The following STIM2 variants were observed in gnomAD, a reference collection of about 807,000 sequenced individuals.
STIM2 encodes the protein stromal interaction molecule 2.
STIM2 carries 31 observed loss-of-function variants against 85.8 expected under a neutral mutation model. That is an observed-to-expected ratio of 0.36 (90% CI 0.27 to 0.49). STIM2 has a LOEUF of 0.49. Among genes scored for constraint, STIM2 ranks in the 20% least tolerant of loss-of-function variants. The probability of loss-of-function intolerance (pLI) is 0.98; values close to 1 mark genes in which losing one functional copy is unlikely to be tolerated. For synonymous variants in STIM2, 356 were observed against 331.1 expected (o/e 1.08, Z -0.82); for missense variants, 841 against 927.6 (o/e 0.91, Z 1.21).
chr4:27,009,909 C>T (rs188177513), intron 10 of STIM2, among the ~76,000 whole-genome samples: 35 of 152,226 alleles, frequency 2.3e-4, no homozygotes, highest in African/African-American at 4.8e-4. Context: ...CCTTAAAATC[C>T]GTGTTTAATA....
chr4:27,019,539 T>C (rs1052352467), intron 11 of STIM2: 1 of 1,242,338 alleles, frequency 8.0e-7, no homozygotes, highest in African/African-American at 1.5e-5. Context: ...CTCATTTCAA[T>C]AGCAATGTCA....
chr4:26,957,709 G>A lies in STIM2; in HGVS notation c.380G>A (p.Arg127Gln), dbSNP rs761878747. ...ATAACGATTGAGGATTTATGGAAAC[G>A]ATGGAAAACATCAGAAGGTAAGACT... The change falls in exon 3 of 12, where the codon CGA (arginine) becomes CAA (glutamine). Residue 127 changes from arginine (R) to glutamine (Q), a missense_variant. This residue lies in a region of STIM2 where 408 missense variants were observed against 525.4 expected (regional missense o/e 0.78). Coordinates refer to ENST00000467087, the MANE Select transcript of STIM2 (RefSeq NM_020860.4). 2 of 1,598,392 alleles carry A rather than the reference G, an allele frequency of 1.3e-6. No homozygotes were observed. The highest frequency in any genetic ancestry group is 1.8e-5 in the Admixed American group (1 of 56,404).
intron 1 of STIM2, among the ~76,000 whole-genome samples, chr4:26,864,862 C>T (rs80127376): frequency 0.023 from 3,553 of 152,148 alleles, 162 homozygotes; most frequent in African/African-American, 0.082. Flanking sequence ...GATGGAAATA[C>T]CTCAAATTAG....
chr4:26,999,443 T>G (rs948388535), intron 5 of STIM2, 96 bp downstream of exon 5: 1 of 572,572 alleles, frequency 1.7e-6, no homozygotes, highest in Non-Finnish European at 2.8e-6. Context: ...AGTAGGCCTC[T>G]AAGAAGAATC....
chr4:26,869,407 T>G (rs1045181923), intron 1 of STIM2, among the ~76,000 whole-genome samples: 7 of 151,964 alleles, frequency 4.6e-5, no homozygotes, highest in African/African-American at 1.7e-4. Flanking sequence ...AAGCCAGTCG[T>G]TGGTGAATAT....
At chr4:26,913,848 C>T (rs1485479985) in intron 1 of STIM2, among the ~76,000 whole-genome samples, 1 of 152,194 alleles carries the variant, frequency 6.6e-6, no homozygotes, top group Admixed American at 6.5e-5. Flanking sequence ...AAAACAAAGC[C>T]TGTGATCTCA....
At chr4:26,868,693 T>A (rs977272980) in intron 1 of STIM2, among the ~76,000 whole-genome samples, 7 of 152,316 alleles carry the variant, frequency 4.6e-5, no homozygotes, top group Non-Finnish European at 7.3e-5. Flanking sequence ...TTTTCTTTTT[T>A]AAAAAATCTG....
intron 2 of STIM2, among the ~76,000 whole-genome samples, chr4:26,931,732 C>T (rs1725213542): frequency 6.6e-6 from 1 of 152,110 alleles, no homozygotes; most frequent in Non-Finnish European, 1.5e-5. Flanking sequence ...GTCTTGCTGT[C>T]TATTAACTTA....
At chr4:26,969,135 T>A (rs1726838417) in intron 3 of STIM2, among the ~76,000 whole-genome samples, 1 of 152,224 alleles carries the variant, frequency 6.6e-6, no homozygotes, top group Admixed American at 6.5e-5. Context: ...AGAATAATTC[T>A]CCATTGCTGG....
intron 2 of STIM2, among the ~76,000 whole-genome samples, chr4:26,949,919 TAATC>T (rs957883494): frequency 2.2e-4 from 34 of 152,326 alleles, no homozygotes; most frequent in South Asian, 4.1e-4. Context: ...ATAAAAATAT[TAATC>T]AAATTGAATA....
intron 3 of STIM2, among the ~76,000 whole-genome samples, chr4:26,971,320 T>G (rs529282149): frequency 2.8e-3 from 434 of 152,312 alleles, no homozygotes; most frequent in African/African-American, 0.01. Context: ...TCCTTGCCCG[T>G]GCCTATGTCC....
chr4:26,875,142 A>G (rs564370254), intron 1 of STIM2, among the ~76,000 whole-genome samples: 1 of 152,262 alleles, frequency 6.6e-6, no homozygotes, highest in African/African-American at 2.4e-5. Flanking sequence ...AAGCATATCC[A>G]TATTCTTAAC....
Position 26,861,355 on chromosome 4 carries a change from C to G in STIM2, c.137C>G (p.Pro46Arg). Residue 46 changes from proline (P) to arginine (R), a missense_variant, in exon 1 of 12, where the codon CCG becomes CGG. Physicochemically the swap from Pro to Arg is moderately radical, Grantham distance 103. Coordinates refer to ENST00000467087, the MANE Select transcript of STIM2 (RefSeq NM_020860.4). The stretch of plus-strand genomic sequence containing the variant: ...CCCGCCGCGGCGGCCGGCGATAGCC[C>G]GGCGCTCATGACAGGTGAGGGGCCG... 6 of 1,358,634 alleles carry G rather than the reference C, an allele frequency of 4.4e-6. No individual in the cohort carries two copies. The South Asian group carries it at 8.7e-5, about 20-fold the overall frequency. The allele number at this position is 1,358,634 out of a possible 1,614,324, so 84.2% of individuals were successfully genotyped here.
chr4:26,908,473 C>T (rs1416449521), intron 1 of STIM2, among the ~76,000 whole-genome samples: 2 of 151,546 alleles, frequency 1.3e-5, no homozygotes, highest in Non-Finnish European at 3.0e-5. Flanking sequence ...AGCACCCAGT[C>T]ATTTTGTTTG....
At chr4:26,962,240 G>A (rs1577465243) in intron 3 of STIM2, among the ~76,000 whole-genome samples, 1 of 152,290 alleles carries the variant, frequency 6.6e-6, no homozygotes, top group East Asian at 1.9e-4. Flanking sequence ...CAGTAATGTA[G>A]TGAAAGTACT....
Position 27,017,828 on chromosome 4 carries a change from C to G in STIM2, c.1607C>G (p.Pro536Arg), listed in dbSNP as rs571663629. The change falls in exon 11 of 12, where the codon CCC (proline) becomes CGC (arginine). Residue 536 changes from proline to arginine, a missense_variant. Physicochemically the swap from Pro to Arg is moderately radical, Grantham distance 103. Transcript: ENST00000467087. The stretch of plus-strand genomic sequence containing the variant: ...CGAGCTCAGCTTGCTCCACACGCCC[C>G]CCACCCGTCACACCCTCGGCACCCT... 2 of 1,614,176 alleles carry G rather than the reference C, an allele frequency of 1.2e-6. No homozygotes were observed. The highest frequency in any genetic ancestry group is 4.5e-5 in the East Asian group (2 of 44,878).
At chr4:26,861,461 T>G in intron 1 of STIM2, 92 bp downstream of exon 1, 1 of 1,234,858 alleles carries the variant, frequency 8.1e-7, no homozygotes, top group Middle Eastern at 3.2e-4. Context: ...GGACGTCCGC[T>G]ATTCCGCGGC....
At chr4:26,864,843 A>G (rs544744812) in intron 1 of STIM2, among the ~76,000 whole-genome samples, 4 of 152,308 alleles carry the variant, frequency 2.6e-5, no homozygotes, top group Non-Finnish European at 5.9e-5. Context: ...TGGGGCTTTC[A>G]TTAATTTAGA....
intron 3 of STIM2, among the ~76,000 whole-genome samples, chr4:26,962,693 G>A (rs895355469): frequency 6.6e-6 from 1 of 151,928 alleles, no homozygotes. Flanking sequence ...AAAAACTAGT[G>A]TTAGATTTCA....
Sources: gnomAD v4.1 joint callset for allele counts (sites outside exome capture counted in the v4.1 genomes callset) on GRCh38, gnomAD v4.1.1 for gene constraint, gnomAD v4.1.1 regional missense constraint, MANE v1.5 for transcripts, NCBI Gene and HGNC (gene_info 2026-07-23, HGNC 2026-07-21) for gene names.